SNX24: variants seen among roughly 807,000 people sequenced by gnomAD.
SNX24 encodes sorting nexin-24.
A neutral mutation model predicts 28.7 loss-of-function variants in SNX24; 22 were observed. The ratio of observed to expected loss-of-function variants is 0.77; its 90% CI spans 0.55 to 1.10. The LOEUF is 1.10. Among genes scored for constraint, SNX24 ranks in the 50% least tolerant of loss-of-function variants. The probability of loss-of-function intolerance (pLI) is 0.00; values close to 1 mark genes in which losing one functional copy is unlikely to be tolerated. For synonymous variants in SNX24, 69 were observed against 71.5 expected (o/e 0.96, Z 0.18); for missense variants, 221 against 201.1 (o/e 1.10, Z -0.60).
chr5:123,028,969 A>G, intron 5 of SNX24: 4 of 1,064,258 alleles, frequency 3.8e-6, no homozygotes, highest in Non-Finnish European at 5.4e-6. Context: ...ATTAAACAAA[A>G]TGCCTACAGA....
chr5:122,989,701 T>C (rs1416904354), intron 3 of SNX24, among the ~76,000 whole-genome samples: 1 of 152,188 alleles, frequency 6.6e-6, no homozygotes, highest in African/African-American at 2.4e-5. Flanking sequence ...CTTGCATAGA[T>C]GCAAAAAGAC....
chr5:122,993,047 C>T (rs1484128529), intron 3 of SNX24, among the ~76,000 whole-genome samples: 10 of 149,526 alleles, frequency 6.7e-5, no homozygotes, highest in African/African-American at 2.5e-4. Flanking sequence ...GGGCCCTTTT[C>T]GGCATTCAGC....
At chr5:122,861,289 G>A (rs998291837) in intron 1 of SNX24, among the ~76,000 whole-genome samples, 2 of 152,164 alleles carry the variant, frequency 1.3e-5, no homozygotes, top group Non-Finnish European at 2.9e-5. Context: ...GCAGTGAGCC[G>A]AGATCCTGCC....
At chr5:122,933,927 C>A (rs943843584) in intron 1 of SNX24, among the ~76,000 whole-genome samples, 2 of 151,842 alleles carry the variant, frequency 1.3e-5, no homozygotes, top group African/African-American at 2.4e-5. Flanking sequence ...GGATTACAGG[C>A]ACGCACCACC....
intron 1 of SNX24, among the ~76,000 whole-genome samples, chr5:122,898,772 G>C (rs1046810167): frequency 6.6e-5 from 10 of 152,192 alleles, no homozygotes; most frequent in African/African-American, 9.7e-5. Flanking sequence ...TGAGTTGAAG[G>C]CATGAGCATT....
intron 5 of SNX24, among the ~76,000 whole-genome samples, chr5:123,017,082 T>A (rs1345088258): frequency 6.6e-6 from 1 of 151,876 alleles, no homozygotes; most frequent in Non-Finnish European, 1.5e-5. Context: ...AGCACCGAGA[T>A]CAAACCTGTG....
intron 6 of SNX24, among the ~76,000 whole-genome samples, chr5:123,006,898 T>G (rs1762441064): frequency 6.6e-6 from 1 of 152,208 alleles, no homozygotes; most frequent in Non-Finnish European, 1.5e-5. Context: ...ATTGGACTAC[T>G]TTTATTTTCT....
At chr5:123,013,530 A>G (rs1445068860), downstream of SNX24, among the ~76,000 whole-genome samples, 2 of 152,252 alleles carry the variant, frequency 1.3e-5, no homozygotes, top group African/African-American at 4.8e-5. Context: ...CTGTGCAGAT[A>G]CATAGTGACA....
At chr5:122,891,079 T>A in intron 1 of SNX24, 1 of 1,534,778 alleles carries the variant, frequency 6.5e-7, no homozygotes, top group South Asian at 1.2e-5. Context: ...TCATATGAAG[T>A]TATTGTTCTG....
At chr5:122,962,754 ATTGTG>A (rs1760537842) in intron 3 of SNX24, among the ~76,000 whole-genome samples, 1 of 152,218 alleles carries the variant, frequency 6.6e-6, no homozygotes, top group African/African-American at 2.4e-5. Flanking sequence ...ACTCTAGTGG[ATTGTG>A]GCCCCAGAGC....
chr5:123,018,688 A>G (rs1458938263), intron 5 of SNX24, among the ~76,000 whole-genome samples: 1 of 151,840 alleles, frequency 6.6e-6, no homozygotes, highest in African/African-American at 2.4e-5. Context: ...CTAGGGTGGG[A>G]ATTTTTTTTT....
intron 1 of SNX24, among the ~76,000 whole-genome samples, chr5:122,849,901 TG>T (rs1754817428): frequency 6.6e-6 from 1 of 151,324 alleles, no homozygotes; most frequent in African/African-American, 2.5e-5. Context: ...AGAAGAGCAG[TG>T]ATCTTGAGGT....
chr5:123,026,111 A>C (rs553047784), intron 5 of SNX24: 2 of 690,896 alleles, frequency 2.9e-6, no homozygotes, highest in Non-Finnish European at 4.7e-6. Context: ...ATAAGCAGAC[A>C]TGAAGGAGGG....
chr5:122,869,386 C>T (rs1236899664), intron 1 of SNX24, among the ~76,000 whole-genome samples: 2 of 152,140 alleles, frequency 1.3e-5, no homozygotes, highest in African/African-American at 2.4e-5. Context: ...AGATTTCTGA[C>T]GTTGATTCAG....
At chr5:122,970,157 T>C (rs1472666784) in intron 3 of SNX24, among the ~76,000 whole-genome samples, 3 of 150,212 alleles carry the variant, frequency 2.0e-5, no homozygotes. Context: ...GTCCTCTGGC[T>C]TACTCTCAGA....
At chr5:123,013,489 C>T (rs1178712773), downstream of SNX24, among the ~76,000 whole-genome samples, 1 of 152,168 alleles carries the variant, frequency 6.6e-6, no homozygotes, top group African/African-American at 2.4e-5. Flanking sequence ...TAACTCAAAA[C>T]CAAAATGTCT....
At chr5:122,890,583 C>A (rs1053249470) in intron 1 of SNX24, among the ~76,000 whole-genome samples, 11 of 151,766 alleles carry the variant, frequency 7.2e-5, no homozygotes, top group African/African-American at 2.7e-4. Flanking sequence ...GATTCTTCCA[C>A]CTTTGACTCC....
downstream of SNX24, among the ~76,000 whole-genome samples, chr5:123,011,171 A>C (rs1027523826): frequency 1.3e-5 from 2 of 152,176 alleles, no homozygotes; most frequent in African/African-American, 4.8e-5. Context: ...GCAATAGAGA[A>C]GTAAAGGACA....
Position 123,008,124 on chromosome 5 carries a change from A to T in SNX24, c.*375A>T. 1 of 999,796 alleles carries T rather than the reference A, an allele frequency of 1.0e-6. No homozygotes were observed. Among genetic ancestry groups the T allele is most frequent in the Non-Finnish European group, 1.2e-6 (1 of 839,764 alleles). The allele number at this position is 999,796 out of a possible 1,614,324, so 61.9% of individuals were successfully genotyped here. ...CATATCCTGAATCATACTGAGACTG[A>T]TCAACTTTGGTAGCTTTTTTGTTCA... On this transcript the variant is annotated 3_prime_UTR_variant, in exon 7 of 7. Transcript: ENST00000261369.
Sources: allele counts gnomAD v4.1 joint callset (sites outside exome capture counted in the v4.1 genomes callset), GRCh38; gene constraint gnomAD v4.1.1; transcripts MANE v1.5; gene names NCBI Gene and HGNC (gene_info 2026-07-23, HGNC 2026-07-21).